The following LHFPL6 variants were observed in gnomAD, a reference collection of about 807,000 sequenced individuals.
The protein encoded by LHFPL6 is LHFPL tetraspan subfamily member 6.
A neutral mutation model predicts 20.6 loss-of-function variants in LHFPL6; 9 were observed. The ratio of observed to expected loss-of-function variants is 0.44; its 90% confidence interval spans 0.26 to 0.76. The LOEUF is 0.76. LHFPL6 is among the 30% of genes least tolerant of loss of function. The probability of loss-of-function intolerance (pLI) is 0.20; values close to 1 mark genes in which losing one functional copy is unlikely to be tolerated. For synonymous variants in LHFPL6, 105 were observed against 98.7 expected, an observed-to-expected ratio of 1.06 and a Z score of -0.38; for missense variants, 218 against 253.5, an observed-to-expected ratio of 0.86 and a Z score of 0.95.
At chr13:39,523,913 G>A (rs1459433713) in intron 2 of LHFPL6, among the ~76,000 whole-genome samples, 1 of 152,016 alleles carries the variant, frequency 6.6e-6, no homozygotes, top group Non-Finnish European at 1.5e-5. Context: ...ATAAGCTGGC[G>A]AGCTTCAAAG....
chr13:39,441,824 T>TC (rs1872144573), intron 2 of LHFPL6, among the ~76,000 whole-genome samples: 1 of 81,674 alleles, frequency 1.2e-5, no homozygotes, highest in African/African-American at 4.5e-5. Context: ...GGGCTAAAAC[T>TC]TTTTTTTTTT....
chr13:39,510,816 A>C (rs1366257037), intron 2 of LHFPL6, among the ~76,000 whole-genome samples: 1 of 152,242 alleles, frequency 6.6e-6, no homozygotes, highest in East Asian at 1.9e-4. Context: ...CTACAGTTTG[A>C]AATATACAAC....
intron 2 of LHFPL6, among the ~76,000 whole-genome samples, chr13:39,394,879 T>C (rs1273057932): frequency 6.6e-6 from 1 of 152,196 alleles, no homozygotes; most frequent in African/African-American, 2.4e-5. Context: ...CAAAGCATTT[T>C]CTGCAGCACC....
intron 2 of LHFPL6, among the ~76,000 whole-genome samples, chr13:39,545,583 G>T (rs1870955980): frequency 6.6e-6 from 1 of 152,010 alleles, no homozygotes; most frequent in Non-Finnish European, 1.5e-5. Context: ...CCCCATCCAT[G>T]GGGGATTGGT....
chr13:39,522,875 A>G (rs2138487131), intron 2 of LHFPL6, among the ~76,000 whole-genome samples: 1 of 152,364 alleles, frequency 6.6e-6, no homozygotes, highest in East Asian at 1.9e-4. Flanking sequence ...CAGTGTAGAA[A>G]TATGAGCAGA....
At chr13:39,436,850 A>G (rs1240544774) in intron 2 of LHFPL6, among the ~76,000 whole-genome samples, 1 of 152,164 alleles carries the variant, frequency 6.6e-6, no homozygotes, top group Non-Finnish European at 1.5e-5. Context: ...TATGGCCCCA[A>G]CAATGGGAGG....
intron 3 of LHFPL6, among the ~76,000 whole-genome samples, chr13:39,346,637 A>G (rs1349181612): frequency 2.0e-5 from 3 of 152,050 alleles, no homozygotes; most frequent in African/African-American, 4.8e-5. Context: ...ATCATCCCCC[A>G]GGCAGTCTCG....
intron 2 of LHFPL6, among the ~76,000 whole-genome samples, chr13:39,481,992 A>G (rs1189916728): frequency 6.6e-6 from 1 of 152,160 alleles, no homozygotes; most frequent in East Asian, 1.9e-4. Flanking sequence ...GGGAATCAAA[A>G]GTTCATTCCG....
At chr13:39,486,260 A>G (rs1868721494) in intron 2 of LHFPL6, among the ~76,000 whole-genome samples, 2 of 152,166 alleles carry the variant, frequency 1.3e-5, no homozygotes, top group African/African-American at 4.8e-5. Flanking sequence ...GTACTTAGTG[A>G]GTCTCCATTG....
chr13:39,582,180 C>T (rs1316063201), intron 2 of LHFPL6, among the ~76,000 whole-genome samples: 1 of 152,190 alleles, frequency 6.6e-6, no homozygotes, highest in African/African-American at 2.4e-5. Flanking sequence ...TTCTACGAGG[C>T]TCATGGACTT....
rs578117217 is a variant in LHFPL6, at chr13:39,503,705, C to T, written c.385+97127G>A. ...AAATTTTACACAATACGTAACCTTA[C>T]TATGTCTGTACACTGATATTCTCTA... On this transcript the variant is annotated intron_variant, in intron 2 of 3. Transcript: ENST00000379589. Among the ~76,000 whole-genome samples, 11 of 152,268 alleles carry T rather than the reference C, an allele frequency of 7.2e-5. No homozygotes were observed. In the South Asian group the frequency reaches 2.3e-3, roughly 32 times the overall value.
intron 2 of LHFPL6, among the ~76,000 whole-genome samples, chr13:39,414,995 A>T (rs1204042430): frequency 6.6e-6 from 1 of 152,184 alleles, no homozygotes; most frequent in Admixed American, 6.5e-5. Flanking sequence ...CTAAACACAC[A>T]ATGAAAAGGA....
At chr13:39,538,495 C>A (rs754305574) in intron 2 of LHFPL6, among the ~76,000 whole-genome samples, 1 of 147,198 alleles carries the variant, frequency 6.8e-6, no homozygotes, top group East Asian at 2.0e-4. Context: ...CTAGATGACA[C>A]CACTCAAAAG....
chr13:39,426,412 G>A (rs1314269560), intron 2 of LHFPL6, among the ~76,000 whole-genome samples: 1 of 152,016 alleles, frequency 6.6e-6, no homozygotes. Flanking sequence ...TAGAGGTGGG[G>A]TTTCTTCATG....
At chr13:39,440,331 T>A (rs1872082019) in intron 2 of LHFPL6, among the ~76,000 whole-genome samples, 1 of 152,102 alleles carries the variant, frequency 6.6e-6, no homozygotes, top group Non-Finnish European at 1.5e-5. Context: ...ACACTCTGTT[T>A]AAAAAACAGT....
intron 2 of LHFPL6, among the ~76,000 whole-genome samples, chr13:39,486,899 A>G (rs1306554920): frequency 1.3e-5 from 2 of 152,232 alleles, no homozygotes; most frequent in African/African-American, 4.8e-5. Flanking sequence ...TCATTTGCAT[A>G]TCCCTGTTAA....
At chr13:39,368,292 A>AAG (rs1416829853) in intron 3 of LHFPL6, among the ~76,000 whole-genome samples, 2 of 150,102 alleles carry the variant, frequency 1.3e-5, no homozygotes, top group African/African-American at 4.9e-5. Context: ...GGAGGAAAAA[A>AAG]AAAAATACAG....
At chr13:39,470,692 A>G (rs145178119) in intron 2 of LHFPL6, among the ~76,000 whole-genome samples, 1 of 152,334 alleles carries the variant, frequency 6.6e-6, no homozygotes, top group African/African-American at 2.4e-5. Flanking sequence ...AACATGTAAA[A>G]CTACAGAAAA....
intron 2 of LHFPL6, among the ~76,000 whole-genome samples, chr13:39,546,530 G>C (rs1870987001): frequency 6.6e-6 from 1 of 152,260 alleles, no homozygotes; most frequent in African/African-American, 2.4e-5. Flanking sequence ...ACCTGACCTA[G>C]TGAATCAGAA....
Sources: allele counts gnomAD v4.1 joint callset (sites outside exome capture counted in the v4.1 genomes callset), GRCh38; gene constraint gnomAD v4.1.1; transcripts MANE v1.5; gene names NCBI Gene and HGNC (gene_info 2026-07-23, HGNC 2026-07-21).